The following KL variants were observed in gnomAD, a reference collection of about 807,000 sequenced individuals.
KL encodes alpha-klotho.
Under a neutral mutation model 84.2 loss-of-function variants are expected in KL, and 62 were observed. That is an observed-to-expected ratio of 0.74 (90% CI 0.60 to 0.91). The LOEUF (loss-of-function observed/expected upper bound fraction) is 0.91, where lower values mean the gene tolerates loss of function less well. KL is among the 40% of genes least tolerant of loss of function. The probability of loss-of-function intolerance (pLI) is 0.00; values close to 1 mark genes in which losing one functional copy is unlikely to be tolerated. For missense variants in KL, 1,261 were observed against 1,305.7 expected (o/e 0.97, Z 0.53); for synonymous variants, 528 against 528.0 (o/e 1.00, Z 0.00).
intron 1 of KL, among the ~76,000 whole-genome samples, chr13:33,035,931 T>C (rs542773177): frequency 2.0e-5 from 3 of 152,354 alleles, no homozygotes; most frequent in Non-Finnish European, 4.4e-5. Flanking sequence ...TTATGAAATC[T>C]TTTTTATTTC....
chr13:33,044,875 C>T (rs9536288), intron 1 of KL, among the ~76,000 whole-genome samples: 25,564 of 151,694 alleles, frequency 0.17, 2,228 homozygotes, highest in African/African-American at 0.22. Context: ...TTAACTTATT[C>T]GTTTTAATAG....
At chr13:33,026,168 A>G (rs1870769791) in intron 1 of KL, among the ~76,000 whole-genome samples, 1 of 152,156 alleles carries the variant, frequency 6.6e-6, no homozygotes. Flanking sequence ...GGCTCTCTCT[A>G]GCCTCTGTCC....
At chr13:33,047,979 G>C (rs76267635) in intron 1 of KL, among the ~76,000 whole-genome samples, 3,393 of 151,948 alleles carry the variant, frequency 0.022, 148 homozygotes, top group African/African-American at 0.078. Context: ...GTTTTCTTCA[G>C]TTGTTGTTTC....
intron 1 of KL, among the ~76,000 whole-genome samples, chr13:33,022,564 A>G (rs978286368): frequency 6.6e-6 from 1 of 152,226 alleles, no homozygotes; most frequent in African/African-American, 2.4e-5. Context: ...TGTGACTTTT[A>G]TATGCTCTAT....
intron 1 of KL, among the ~76,000 whole-genome samples, chr13:33,044,635 A>ATTTTTTT (rs1871453892): frequency 8.3e-5 from 6 of 72,282 alleles, no homozygotes; most frequent in African/African-American, 8.4e-5. Context: ...AATGCAATTG[A>ATTTTTTT]TTTTCTTTTT....
At chr13:33,017,557 T>C (rs2138184869) in intron 1 of KL, among the ~76,000 whole-genome samples, 1 of 152,254 alleles carries the variant, frequency 6.6e-6, no homozygotes, top group Admixed American at 6.5e-5. Context: ...GAGGAATTCC[T>C]AGAGGTGAGG....
At chr13:33,020,940 C>T (rs1870554516) in intron 1 of KL, among the ~76,000 whole-genome samples, 1 of 152,226 alleles carries the variant, frequency 6.6e-6, no homozygotes, top group African/African-American at 2.4e-5. Context: ...CCCTTGGGCC[C>T]CATGCCTGAA....
intron 1 of KL, among the ~76,000 whole-genome samples, chr13:33,033,666 C>A (rs1871054107): frequency 6.6e-6 from 1 of 152,052 alleles, no homozygotes; most frequent in Non-Finnish European, 1.5e-5. Flanking sequence ...CTAACCACCC[C>A]CATTTGGTGA....
chr13:33,064,750 T>C lies in KL; in HGVS notation c.*564T>C, dbSNP rs953983789. On this transcript the variant is annotated 3_prime_UTR_variant, in exon 5 of 5. Coordinates refer to ENST00000380099, the MANE Select transcript of KL (RefSeq NM_004795.4). ...TTTCGAAAGCAATGCTTCTATCAAA[T>C]ACTAGTATTAATTTATGTATCTGGT... 4.9e-5 allele frequency: 11 copies of C among 224,266 alleles called. No individual in the cohort carries two copies. The highest frequency in any genetic ancestry group is 1.4e-3 in the Middle Eastern group (1 of 726). 13.9% of individuals were successfully genotyped at this position (224,266 alleles called of 1,614,324 possible).
intron 1 of KL, among the ~76,000 whole-genome samples, chr13:33,047,189 C>T (rs558458318): frequency 6.6e-6 from 1 of 152,062 alleles, no homozygotes; most frequent in East Asian, 1.9e-4. Flanking sequence ...TAGTGATGTT[C>T]AAAGCCTCCA....
chr13:33,017,373 G>C (rs1386461945), intron 1 of KL, 114 bp downstream of exon 1: 4 of 976,758 alleles, frequency 4.1e-6, no homozygotes, highest in Non-Finnish European at 5.9e-6. Flanking sequence ...ACTTGGACAC[G>C]TGTATGTGGT....
rs1370484495 is a variant in KL at position 33,054,897 on chromosome 13, GTCTT to G, written c.1331-147_1331-144del. ...GTAGAGTTATATAGGTTTGATTAGA[GTCTT>G]TCGTCAAGAAGAAAAATCATTGGCT... On this transcript the variant is annotated intron_variant, in intron 2 of 4. Transcript: ENST00000380099. The G allele has an allele frequency of 3.0e-6, 3 of 1,000,538 alleles. No individual in the cohort carries two copies. The African/African-American group carries it at 4.8e-5, about 16-fold the overall frequency. The allele number at this position is 1,000,538 out of a possible 1,614,324, so 62.0% of individuals were successfully genotyped here.
intron 1 of KL, among the ~76,000 whole-genome samples, chr13:33,036,116 C>T (rs575420895): frequency 2.0e-5 from 3 of 152,108 alleles, no homozygotes; most frequent in African/African-American, 4.8e-5. Flanking sequence ...TTTAACTAAA[C>T]GGATTCTTAT....
In KL at chr13:33,048,382, G is replaced by T. The variant is rs543730881; in HGVS notation, c.820-5385G>T. On this transcript the variant is annotated intron_variant, in intron 1 of 4. Transcript: ENST00000380099. Reference sequence around the variant, plus strand: ...CAGGTAATGACCTTCCTGAGTTTCAGCTGGATGCCTGAAGTGCTCAGCTGC... The same window carrying T: ...CAGGTAATGACCTTCCTGAGTTTCATCTGGATGCCTGAAGTGCTCAGCTGC... Among the ~76,000 whole-genome samples the T allele has an allele frequency of 3.9e-5, 6 of 152,274 alleles. 1 individual carries two copies. Among genetic ancestry groups the T allele is most frequent in the African/African-American group, 1.2e-4 (5 of 41,542 alleles).
At chr13:33,037,097 C>A (rs1871167156) in intron 1 of KL, among the ~76,000 whole-genome samples, 1 of 152,110 alleles carries the variant, frequency 6.6e-6, no homozygotes, top group African/African-American at 2.4e-5. Context: ...ATATAGGAAT[C>A]ATATATCTTC....
At chr13:33,030,153 A>G (rs1266272046) in intron 1 of KL, among the ~76,000 whole-genome samples, 3 of 152,114 alleles carry the variant, frequency 2.0e-5, no homozygotes, top group Non-Finnish European at 4.4e-5. Context: ...GCATTAATTC[A>G]TTGATGAGGA....
chr13:33,018,874 A>G (rs1304236643), intron 1 of KL, among the ~76,000 whole-genome samples: 2 of 152,238 alleles, frequency 1.3e-5, no homozygotes, highest in African/African-American at 4.8e-5. Flanking sequence ...TTGTTATTAT[A>G]GTGACTTATA....
At chr13:33,042,885 T>C (rs939608280) in intron 1 of KL, among the ~76,000 whole-genome samples, 1 of 152,150 alleles carries the variant, frequency 6.6e-6, no homozygotes, top group African/African-American at 2.4e-5. Context: ...TTTCACCATG[T>C]TGGTCAGGCT....
chr13:33,016,746 A>G lies in KL; in HGVS notation c.306A>G (p.Gly102=). The stretch of plus-strand genomic sequence containing the variant: ...CCCACCACCCCCTGGCACCCCCGGG[A>G]GACTCCCGGAACGCCAGTCTGCCGT... ...TFTHHPLAPP[G]DSRNASLPLG... The change falls in exon 1 of 5, where the codon GGA becomes GGG. Residue 102 remains glycine (G), a synonymous_variant. Transcript: ENST00000380099. 6.2e-7 allele frequency: 1 copy of G among 1,611,604 alleles called. No homozygotes were observed. Among genetic ancestry groups the G allele is most frequent in the African/African-American group, 1.3e-5 (1 of 74,962 alleles).
Sources: allele counts gnomAD v4.1 joint callset (sites outside exome capture counted in the v4.1 genomes callset), GRCh38; gene constraint gnomAD v4.1.1; transcripts MANE v1.5; gene names NCBI Gene and HGNC (gene_info 2026-07-23, HGNC 2026-07-21).